The following FILIP1 variants were observed in gnomAD, a reference collection of about 807,000 sequenced individuals.
FILIP1 encodes the protein filamin-A-interacting protein 1.
A neutral mutation model predicts 102.1 loss-of-function variants in FILIP1; 61 were observed. The observed-to-expected ratio is 0.60, with a 90% CI of 0.49 to 0.74. The LOEUF (loss-of-function observed/expected upper bound fraction) is 0.74. FILIP1 is among the 30% of genes least tolerant of loss of function. FILIP1 has a pLI of 0.00. For missense variants in FILIP1, 1,314 were observed against 1,441.2 expected (o/e 0.91, Z 1.43); for synonymous variants, 491 against 526.9 (o/e 0.93, Z 0.93).
At chr6:75,325,313 T>C (rs757186213) in intron 4 of FILIP1, among the ~76,000 whole-genome samples, 34 of 152,168 alleles carry the variant, frequency 2.2e-4, no homozygotes, top group Non-Finnish European at 4.6e-4. Flanking sequence ...CCCCAGCTAC[T>C]TGGGTGGCTG....
chr6:75,368,990 C>T (rs1434027849), intron 2 of FILIP1, among the ~76,000 whole-genome samples: 2 of 152,166 alleles, frequency 1.3e-5, no homozygotes, highest in East Asian at 3.8e-4. Context: ...TTCCAAAGCA[C>T]AGCTGCACTT....
At chr6:75,424,286 T>G (rs1293737227) in intron 1 of FILIP1, among the ~76,000 whole-genome samples, 1 of 152,216 alleles carries the variant, frequency 6.6e-6, no homozygotes, top group African/African-American at 2.4e-5. Flanking sequence ...TCACAGGGCA[T>G]AGCATCCCCC....
chr6:75,324,210 A>G (rs1157670213), intron 4 of FILIP1, among the ~76,000 whole-genome samples: 1 of 152,102 alleles, frequency 6.6e-6, no homozygotes, highest in Admixed American at 6.5e-5. Context: ...AGGATACAAA[A>G]TCACTATACA....
chr6:75,314,136 A>G lies in FILIP1; in HGVS notation c.1696T>C (p.Tyr566His). The G allele has an allele frequency of 1.3e-6, 2 of 1,522,862 alleles. No homozygotes were observed. The highest frequency in any genetic ancestry group is 1.7e-6 in the Non-Finnish European group (2 of 1,145,972). 94.3% of individuals were successfully genotyped at this position (1,522,862 alleles called of 1,614,324 possible). The change falls in exon 5 of 6, where the codon TAC becomes CAC. Residue 566 changes from tyrosine to histidine, a missense_variant. Coordinates refer to ENST00000237172, the MANE Select transcript of FILIP1 (RefSeq NM_015687.5). ...KLKSEMEEKV[Y>H]NLTRERDELI... Reference sequence around the variant, plus strand: ...TCATCTCTTTCTCTTGTCAAGTTGTATACTTTTTCCTCCATTTCAGATTTT... The same window carrying G: ...TCATCTCTTTCTCTTGTCAAGTTGTGTACTTTTTCCTCCATTTCAGATTTT...
intron 2 of FILIP1, among the ~76,000 whole-genome samples, chr6:75,403,025 C>A (rs1776709132): frequency 6.6e-6 from 1 of 152,108 alleles, no homozygotes; most frequent in Non-Finnish European, 1.5e-5. Flanking sequence ...GAAGACACAG[C>A]TTCTCTCAGA....
At chr6:75,426,743 A>G (rs1054681619) in intron 1 of FILIP1, among the ~76,000 whole-genome samples, 1 of 137,554 alleles carries the variant, frequency 7.3e-6, no homozygotes, top group African/African-American at 2.8e-5. Context: ...CACTACTTCA[A>G]CAGAGGCCAA....
At chr6:75,451,634 C>T (rs1778634801) in intron 1 of FILIP1, among the ~76,000 whole-genome samples, 1 of 151,190 alleles carries the variant, frequency 6.6e-6, no homozygotes, top group African/African-American at 2.4e-5. Flanking sequence ...AGTTTGAGAC[C>T]AGCCTAGCCA....
intron 2 of FILIP1, among the ~76,000 whole-genome samples, chr6:75,388,658 C>T (rs989897605): frequency 2.6e-5 from 4 of 152,126 alleles, no homozygotes; most frequent in African/African-American, 9.7e-5. Flanking sequence ...AATAGGATTT[C>T]GCTCATTCTT....
chr6:75,383,810 G>A (rs891967844), intron 2 of FILIP1, among the ~76,000 whole-genome samples: 7 of 152,148 alleles, frequency 4.6e-5, no homozygotes, highest in Non-Finnish European at 1.0e-4. Flanking sequence ...GGCAGGTGCA[G>A]AAAAGTTCAG....
rs73749471 is a variant in FILIP1, at chr6:75,404,718, T to C, written c.276+9979A>G. Among the ~76,000 whole-genome samples, 1,149 of 152,254 alleles carry C rather than the reference T, an allele frequency of 7.5e-3. 17 individuals carry two copies. Among genetic ancestry groups the C allele is most frequent in the African/African-American group, 0.027 (1,108 of 41,542 alleles). On this transcript the variant is annotated intron_variant, in intron 2 of 5. Coordinates refer to ENST00000237172, the MANE Select transcript of FILIP1 (RefSeq NM_015687.5). ...AGGCTTTAGGGGGATCTACCTCAAC[T>C]GCCCGCCCCTCAGCTGCAAATGTTA...
intron 1 of FILIP1, among the ~76,000 whole-genome samples, chr6:75,491,403 G>A (rs1380634739): frequency 6.6e-6 from 1 of 152,128 alleles, no homozygotes; most frequent in East Asian, 1.9e-4. Flanking sequence ...CCCAGCCTAG[G>A]TGTTTGGCAG....
intron 4 of FILIP1, among the ~76,000 whole-genome samples, chr6:75,331,647 A>G (rs1270883553): frequency 6.6e-6 from 1 of 152,118 alleles, no homozygotes; most frequent in Non-Finnish European, 1.5e-5. Context: ...TGTCAGGCGT[A>G]TAACCCATGT....
intron 3 of FILIP1, among the ~76,000 whole-genome samples, chr6:75,358,792 G>T (rs149745370): frequency 6.6e-6 from 1 of 151,546 alleles, no homozygotes; most frequent in African/African-American, 2.4e-5. Context: ...GCACGATCTC[G>T]GCTCACTGCA....
At chr6:75,474,540 G>T (rs1291632393) in intron 1 of FILIP1, among the ~76,000 whole-genome samples, 2 of 152,032 alleles carry the variant, frequency 1.3e-5, no homozygotes, top group African/African-American at 2.4e-5. Flanking sequence ...GCAAACAGAG[G>T]GACCAAAAGA....
chr6:75,374,610 C>T (rs1214982649), intron 2 of FILIP1, among the ~76,000 whole-genome samples: 1 of 152,148 alleles, frequency 6.6e-6, no homozygotes, highest in Non-Finnish European at 1.5e-5. Flanking sequence ...GAACTCCTGA[C>T]CTCAGGTGAT....
At chr6:75,317,947 C>A (rs902290706) in intron 4 of FILIP1, among the ~76,000 whole-genome samples, 4 of 152,170 alleles carry the variant, frequency 2.6e-5, no homozygotes, top group Admixed American at 1.3e-4. Flanking sequence ...TTCTTACAGG[C>A]AAGACATTGG....
rs748920264 is a variant in FILIP1, at chr6:75,308,699, T to TC, written c.3633dup (p.Lys1212GlufsTer34). 35 of 1,612,648 alleles carry TC rather than the reference T, an allele frequency of 2.2e-5. No individual in the cohort carries two copies. Among genetic ancestry groups the TC allele is most frequent in the African/African-American group, 4.0e-5 (3 of 74,842 alleles). ...CCCCTTAGCCACTGCCCTCAGCCCT[T>TC]CCCCCCTCCGAGAGAGGTGGTGCTG... On this transcript the variant is annotated frameshift_variant, in exon 6 of 6. Coordinates refer to ENST00000237172, the MANE Select transcript of FILIP1 (RefSeq NM_015687.5). LOFTEE classifies it high-confidence loss of function.
rs9343286 is a variant in FILIP1, at chr6:75,411,644, T to C, written c.276+3053A>G. 2.4e-3 allele frequency among the ~76,000 whole-genome samples: 364 copies of C among 152,328 alleles called. 8 individuals are homozygous for C. In the East Asian group the frequency reaches 0.04, roughly 17 times the overall value. ...CAGTTTTCTGCATATGGCTAGCCTG[T>C]TTTCCCAACACCATTTATTAAAAAG... On this transcript the variant is annotated intron_variant, in intron 2 of 5. Transcript: ENST00000237172.
At chr6:75,302,809 A>G (rs913624576) in intron 6 of FILIP1, among the ~76,000 whole-genome samples, 4 of 138,860 alleles carry the variant, frequency 2.9e-5, no homozygotes, top group African/African-American at 5.4e-5. Flanking sequence ...AGATGATGAT[A>G]TGATATGATA....
Sources: gnomAD v4.1 joint callset for allele counts (sites outside exome capture counted in the v4.1 genomes callset) on GRCh38, gnomAD v4.1.1 for gene constraint, MANE v1.5 for transcripts, NCBI Gene and HGNC (gene_info 2026-07-23, HGNC 2026-07-21) for gene names.